ASB1: variants seen among roughly 807,000 people sequenced by gnomAD.
ASB1 encodes ankyrin repeat and SOCS box containing 1.
A neutral mutation model predicts 27.7 loss-of-function variants in ASB1; 18 were observed. The ratio of observed to expected loss-of-function variants is 0.65; its 90% CI spans 0.45 to 0.96. The LOEUF (loss-of-function observed/expected upper bound fraction) is 0.96. Among genes scored for constraint, ASB1 ranks in the 50% least tolerant of loss-of-function variants. The pLI, the probability that ASB1 is intolerant of heterozygous loss-of-function variation, is 0.00. For synonymous variants in ASB1, 189 were observed against 187.6 expected, an observed-to-expected ratio of 1.01 and a Z score of -0.06; for missense variants, 397 against 451.7, an observed-to-expected ratio of 0.88 and a Z score of 1.10.
At chr2:238,444,979 CT>C (rs34563680) in intron 4 of ASB1, among the ~76,000 whole-genome samples, 14,756 of 117,748 alleles carry the variant, frequency 0.13, 1,325 homozygotes, top group African/African-American at 0.31. Flanking sequence ...CTCGCGCTCT[CT>C]TTTTTTTTTT....
chr2:238,436,224 G>T (rs1330653269), intron 3 of ASB1, among the ~76,000 whole-genome samples: 3 of 151,314 alleles, frequency 2.0e-5, no homozygotes, highest in Non-Finnish European at 4.4e-5. Flanking sequence ...CTAATTTTTA[G>T]TTTTTTTTCC....
At chr2:238,431,279 T>G (rs761219857) in intron 1 of ASB1, among the ~76,000 whole-genome samples, 2 of 152,256 alleles carry the variant, frequency 1.3e-5, no homozygotes, top group Non-Finnish European at 2.9e-5. Context: ...TCTTTAAACC[T>G]CGTGAACCAA....
At position 238,450,837 on chromosome 2, in the gene ASB1, T is replaced by A. The variant is rs1448770294; in HGVS notation, c.*4326T>A. 2 of 152,340 alleles carry A rather than the reference T, an allele frequency of 1.3e-5. No homozygotes were observed. The highest frequency in any genetic ancestry group is 1.3e-4 in the Admixed American group (2 of 15,278). The allele number at this position is 152,340 out of a possible 1,614,324, so 9.4% of individuals were successfully genotyped here. A position where few individuals can be genotyped will look rare whatever the true frequency, so the allele number is the denominator to read the frequency against. ...GACACTAGTGTGGGTCTTCTGGCTC[T>A]GGGGCTACAGCTTCTGCCTCCTCAC... On this transcript the variant is annotated 3_prime_UTR_variant, in exon 5 of 5. Coordinates refer to ENST00000264607, the MANE Select transcript of ASB1 (RefSeq NM_001040445.3).
intron 1 of ASB1, 37 bp from the exon 2 acceptor site, chr2:238,433,517 C>A (rs745765493): frequency 6.2e-7 from 1 of 1,609,864 alleles, no homozygotes; most frequent in Non-Finnish European, 8.5e-7. Flanking sequence ...TTGGCAGGGC[C>A]TCCATGAGCT....
Position 238,435,863 on chromosome 2 carries a change from T to G in ASB1, c.344T>G (p.Leu115Arg), listed in dbSNP as rs1701959389. The G allele has an allele frequency of 6.2e-7, 1 of 1,614,238 alleles. No individual in the cohort carries two copies. Among genetic ancestry groups the G allele is most frequent in the East Asian group, 2.2e-5 (1 of 44,888 alleles). The change falls in exon 3 of 5, where the codon CTG becomes CGG. Residue 115 changes from leucine (L) to arginine (R), a missense_variant. Transcript: ENST00000264607. The part of the protein sequence containing the change: ...DLVDVKGQTA[L>R]YVAVVNGHLE... ...GTGGACGTAAAAGGACAGACGGCCC[T>G]GTATGTGGCTGTGGTGAACGGGCAC...
rs878982437 is a variant in ASB1, at chr2:238,431,900, A to G, written c.50-1654A>G. ...TCATCACCATAACAGATAAAATAAT[A>G]ATGAAAAAGTTTGAAATATTGCAAG... On this transcript the variant is annotated intron_variant, in intron 1 of 4. Coordinates refer to ENST00000264607, the MANE Select transcript of ASB1 (RefSeq NM_001040445.3). Among the ~76,000 whole-genome samples the G allele has an allele frequency of 1.3e-5, 2 of 152,228 alleles. 1 individual carries two copies. The highest frequency in any genetic ancestry group is 1.3e-4 in the Admixed American group (2 of 15,282).
intron 3 of ASB1, 56 bp downstream of exon 3, chr2:238,436,069 A>G (rs971771559): frequency 1.0e-5 from 15 of 1,462,882 alleles, no homozygotes; most frequent in Non-Finnish European, 9.9e-6. Context: ...TCTTCTCTGT[A>G]TTTTGCAGTT....
intron 1 of ASB1, chr2:238,433,282 T>C (rs1277882696): frequency 1.2e-5 from 4 of 333,650 alleles, no homozygotes; most frequent in Non-Finnish European, 2.3e-5. Context: ...TTTCTACTAT[T>C]TTCTGTGATT....
At chr2:238,437,476 C>T (rs147582099) in intron 3 of ASB1, among the ~76,000 whole-genome samples, 112 of 152,172 alleles carry the variant, frequency 7.4e-4, no homozygotes, top group African/African-American at 2.4e-3. Flanking sequence ...GTGATCCGCC[C>T]GCCTCGGCCT....
chr2:238,438,094 A>G (rs913975461), intron 3 of ASB1, among the ~76,000 whole-genome samples: 2 of 151,940 alleles, frequency 1.3e-5, no homozygotes, highest in African/African-American at 4.8e-5. Flanking sequence ...GTGAAATTCC[A>G]TGTTGGTTCC....
chr2:238,448,376 G>A lies in ASB1; in HGVS notation c.*1865G>A, dbSNP rs1702219058. On this transcript the variant is annotated 3_prime_UTR_variant, in exon 5 of 5. Coordinates refer to ENST00000264607, the MANE Select transcript of ASB1 (RefSeq NM_001040445.3). ...CCACCGTGGACTGGGCCTTGTCACT[G>A]GAGGTCGTAGGCAGTGGCTCATCAC... 6.6e-6 allele frequency: 1 copy of A among 152,418 alleles called. No homozygotes were observed. Among genetic ancestry groups the A allele is most frequent in the Non-Finnish European group, 1.5e-5 (1 of 68,226 alleles). 9.4% of individuals were successfully genotyped at this position (152,418 alleles called of 1,614,324 possible).
chr2:238,451,362 A>G lies in ASB1; in HGVS notation c.*4851A>G, dbSNP rs1426978637. The G allele has an allele frequency of 6.6e-6, 1 of 152,192 alleles. No homozygotes were observed. Among genetic ancestry groups the G allele is most frequent in the African/African-American group, 2.4e-5 (1 of 41,442 alleles). 9.4% of individuals were successfully genotyped at this position (152,192 alleles called of 1,614,324 possible). On this transcript the variant is annotated 3_prime_UTR_variant, in exon 5 of 5. Transcript: ENST00000264607. ...TCAAGATCTCTTAGATATACTAGGT[A>G]GTGTATGAATGTGCATAAATCCAGT...
chr2:238,429,401 A>T (rs1346434798), intron 1 of ASB1, among the ~76,000 whole-genome samples: 1 of 152,228 alleles, frequency 6.6e-6, no homozygotes. Flanking sequence ...TGTGAGGTGA[A>T]TAACTCAATT....
rs57391955 is a variant in ASB1 at position 238,438,199 on chromosome 2, A to ATTTTTTTTTTTTT, written c.494+2192_494+2204dup. ...AGAAGTACATATACAGATGCCCTTCATTTTTTTTTTTTTTTTTTGAGACGG... is the reference window on the plus strand; with the variant it reads ...AGAAGTACATATACAGATGCCCTTCATTTTTTTTTTTTTTTTTTTTTTTTTTTTTTTGAGACGG... On this transcript the variant is annotated intron_variant, in intron 3 of 4. Transcript: ENST00000264607. Among the ~76,000 whole-genome samples the ATTTTTTTTTTTTT allele has an allele frequency of 7.9e-4, 78 of 98,202 alleles. 4 individuals carry two copies. Among genetic ancestry groups the ATTTTTTTTTTTTT allele is most frequent in the Admixed American group, 9.6e-4 (7 of 7,328 alleles). 64.4% of individuals were successfully genotyped at this position (98,202 alleles called of 152,430 possible). A position where few individuals can be genotyped will look rare whatever the true frequency, so the allele number is the denominator to read the frequency against.
At chr2:238,434,239 G>C (rs1366972728) in intron 2 of ASB1, among the ~76,000 whole-genome samples, 1 of 152,182 alleles carries the variant, frequency 6.6e-6, no homozygotes, top group Non-Finnish European at 1.5e-5. Context: ...AACTCTGCCT[G>C]TCCCCACAAA....
intron 1 of ASB1, among the ~76,000 whole-genome samples, chr2:238,432,324 TA>T (rs552693264): frequency 4.2e-4 from 64 of 152,260 alleles, no homozygotes; most frequent in Non-Finnish European, 7.6e-4. Flanking sequence ...ATTCCTTGAT[TA>T]TTGAATCTTT....
chr2:238,432,277 A>G (rs1701884951), intron 1 of ASB1, among the ~76,000 whole-genome samples: 1 of 152,220 alleles, frequency 6.6e-6, no homozygotes, highest in Non-Finnish European at 1.5e-5. Flanking sequence ...ACATCTGATA[A>G]CAAAATCCCA....
chr2:238,446,785 T>C lies in ASB1; in HGVS notation c.*274T>C, dbSNP rs1048310883. 23 of 413,652 alleles carry C rather than the reference T, an allele frequency of 5.6e-5. 1 individual carries two copies. In the Admixed American group the frequency reaches 8.3e-4, roughly 15 times the overall value. The allele number at this position is 413,652 out of a possible 1,614,324, so 25.6% of individuals were successfully genotyped here. A position where few individuals can be genotyped will look rare whatever the true frequency, so the allele number is the denominator to read the frequency against. The stretch of plus-strand genomic sequence containing the variant: ...TATTAATGTAACGGGCCATGGGGTA[T>C]GTACATGTAGGGGCTGAGGTTGGAG... On this transcript the variant is annotated 3_prime_UTR_variant, in exon 5 of 5. Transcript: ENST00000264607.
intron 3 of ASB1, among the ~76,000 whole-genome samples, chr2:238,436,916 A>G (rs514396): frequency 0.8 from 120,992 of 152,160 alleles, 48,409 homozygotes; most frequent in African/African-American, 0.87. Context: ...TGCTAATTGA[A>G]CTCATAAAAG....
Sources: gnomAD v4.1 joint callset for allele counts (sites outside exome capture counted in the v4.1 genomes callset) on GRCh38, gnomAD v4.1.1 for gene constraint, MANE v1.5 for transcripts, NCBI Gene and HGNC (gene_info 2026-07-23, HGNC 2026-07-21) for gene names.